Variants in ACTR2 observed in about 807,000 individuals in gnomAD.
The protein encoded by ACTR2 is actin related protein 2, also known as actin-related protein 2.
Under a neutral mutation model 50.2 loss-of-function variants are expected in ACTR2, and 5 were observed. The observed-to-expected ratio is 0.10, with a 90% CI of 0.05 to 0.21. The LOEUF (loss-of-function observed/expected upper bound fraction) is 0.21. Among genes scored for constraint, ACTR2 ranks in the 10% least tolerant of loss-of-function variants. ACTR2 has a pLI of 1.00. For synonymous variants in ACTR2, 140 were observed against 162.9 expected (o/e 0.86, Z 1.07); for missense variants, 180 against 480.6 (o/e 0.37, Z 5.85).
chr2:65,251,926 CTCT>C (rs1472631570), intron 4 of ACTR2, among the ~76,000 whole-genome samples: 2 of 151,308 alleles, frequency 1.3e-5, no homozygotes, highest in Admixed American at 1.3e-4. Context: ...GTTGGGAGAG[CTCT>C]TTTTTTTTTT....
At position 65,268,666 on chromosome 2, in the gene ACTR2, A is replaced by G. The variant is rs764765098; in HGVS notation, c.1117A>G (p.Met373Val). The G allele has an allele frequency of 3.7e-6, 6 of 1,614,076 alleles. No homozygotes were observed. The highest frequency in any genetic ancestry group is 5.1e-6 in the Non-Finnish European group (6 of 1,179,958). ...DIMKDKDNFWMTRQEYQEKGV... is the reference protein window; with the variant it reads ...DIMKDKDNFWVTRQEYQEKGV... Reference sequence around the variant, plus strand: ...CATGAAAGACAAAGACAACTTTTGGATGACCCGACAAGAGTACCAAGAAAA... The same window carrying G: ...CATGAAAGACAAAGACAACTTTTGGGTGACCCGACAAGAGTACCAAGAAAA... Residue 373 changes from methionine to valine, a missense_variant, in exon 9 of 9, where the codon ATG becomes GTG. Transcript: ENST00000260641.
chr2:65,255,711 T>A lies in ACTR2; in HGVS notation c.735+17T>A. On this transcript the variant is annotated intron_variant, in intron 6 of 8. Transcript: ENST00000260641. Reference sequence around the variant, plus strand: ...TCTTATACAGTAAGTGTTTCCAGTGTATAATATATATGTGTTTTAAAGTGG... The same window carrying A: ...TCTTATACAGTAAGTGTTTCCAGTGAATAATATATATGTGTTTTAAAGTGG... 2 of 1,606,072 alleles carry A rather than the reference T, an allele frequency of 1.2e-6. No individual in the cohort carries two copies. Among genetic ancestry groups the A allele is most frequent in the Non-Finnish European group, 1.7e-6 (2 of 1,174,636 alleles).
intron 1 of ACTR2, among the ~76,000 whole-genome samples, chr2:65,230,581 T>G (rs1435822468): frequency 6.6e-6 from 1 of 151,828 alleles, no homozygotes. Context: ...CCAGTTAATT[T>G]TTTTATTTTT....
chr2:65,236,431 C>G (rs1671740225), intron 1 of ACTR2, among the ~76,000 whole-genome samples: 4 of 151,992 alleles, frequency 2.6e-5, no homozygotes, highest in Admixed American at 1.3e-4. Context: ...TCCAACAGGG[C>G]TGCTGTAGAG....
At chr2:65,243,908 A>G (rs1573154449) in intron 2 of ACTR2, among the ~76,000 whole-genome samples, 1 of 152,286 alleles carries the variant, frequency 6.6e-6, no homozygotes, top group African/African-American at 2.4e-5. Context: ...ATCACTTATA[A>G]CTTGGTTCTG....
rs191325456 is a variant in ACTR2 at position 65,244,665 on chromosome 2, C to T, written c.160-1859C>T. On this transcript the variant is annotated intron_variant, in intron 2 of 8. Coordinates refer to ENST00000260641, the MANE Select transcript of ACTR2 (RefSeq NM_005722.4). ...CATATTCCTCATAGAAGAATCTAAA[C>T]GGTTGGGTGTGGTGATTCATGCCTA... is the stretch of plus-strand genomic sequence containing the variant. Among the ~76,000 whole-genome samples, 24 of 152,110 alleles carry T rather than the reference C, an allele frequency of 1.6e-4. No individual in the cohort carries two copies. The East Asian group carries it at 2.3e-3, about 15-fold the overall frequency.
intron 3 of ACTR2, among the ~76,000 whole-genome samples, chr2:65,248,145 A>T (rs1671974046): frequency 6.6e-6 from 1 of 152,224 alleles, no homozygotes; most frequent in African/African-American, 2.4e-5. Flanking sequence ...TCAGGCCTGT[A>T]ATCCCAGCAC....
chr2:65,257,714 AT>A (rs1429366211), intron 6 of ACTR2, among the ~76,000 whole-genome samples: 1 of 151,822 alleles, frequency 6.6e-6, no homozygotes, highest in East Asian at 1.9e-4. Flanking sequence ...TTTTTTTCTT[AT>A]GTTTATTGGC....
intron 7 of ACTR2, among the ~76,000 whole-genome samples, chr2:65,264,488 T>A (rs1240678596): frequency 6.6e-6 from 1 of 152,116 alleles, no homozygotes; most frequent in Non-Finnish European, 1.5e-5. Context: ...GATTTTCTGA[T>A]CTCATAGATA....
chr2:65,264,357 G>A (rs571861607), intron 7 of ACTR2, among the ~76,000 whole-genome samples: 12 of 152,318 alleles, frequency 7.9e-5, no homozygotes, highest in African/African-American at 2.9e-4. Flanking sequence ...GAACCTGGAA[G>A]CCAGGTTGAA....
At chr2:65,258,976 T>C (rs1288379713) in intron 6 of ACTR2, among the ~76,000 whole-genome samples, 3 of 151,970 alleles carry the variant, frequency 2.0e-5, no homozygotes, top group African/African-American at 7.3e-5. Context: ...CTTTTTTTTT[T>C]CTTTCTGTTT....
chr2:65,242,343 A>C (rs893347692), intron 2 of ACTR2, among the ~76,000 whole-genome samples: 1 of 152,168 alleles, frequency 6.6e-6, no homozygotes, highest in Non-Finnish European at 1.5e-5. Flanking sequence ...TTATAATTAA[A>C]ATGGAATGTG....
intron 5 of ACTR2, among the ~76,000 whole-genome samples, chr2:65,254,185 T>C (rs1219989734): frequency 6.6e-6 from 1 of 152,170 alleles, no homozygotes; most frequent in Admixed American, 6.5e-5. Flanking sequence ...GACCCCTAAT[T>C]TGAAACTTTC....
chr2:65,251,603 C>T (rs940969163), intron 4 of ACTR2, among the ~76,000 whole-genome samples: 6 of 151,994 alleles, frequency 3.9e-5, no homozygotes, highest in South Asian at 2.1e-4. Flanking sequence ...TCAGGTAGTC[C>T]GCCCGCCTCA....
At position 65,268,764 on chromosome 2, in the gene ACTR2, A is replaced by G; in HGVS notation, c.*30A>G. 1.9e-6 allele frequency: 3 copies of G among 1,597,058 alleles called. No individual in the cohort carries two copies. ...CAAAGCTTGTTCCCGTCATACCCGT[A>G]ATGCTTTCTTTTTTCCTTTATTGCC... On this transcript the variant is annotated 3_prime_UTR_variant, in exon 9 of 9. Coordinates refer to ENST00000260641, the MANE Select transcript of ACTR2 (RefSeq NM_005722.4).
In ACTR2 at chr2:65,255,533, G is replaced by C. The variant is rs757913568; in HGVS notation, c.586-12G>C. 19 of 1,610,248 alleles carry C rather than the reference G, an allele frequency of 1.2e-5. No individual in the cohort carries two copies. The highest frequency in any genetic ancestry group is 1.3e-5 in the Non-Finnish European group (15 of 1,177,856). ...GATGTATTATGAACTTATTGCTATTGTTTTGTACCAGCTACTTCTGTTGCG... is the reference window on the plus strand; with the variant it reads ...GATGTATTATGAACTTATTGCTATTCTTTTGTACCAGCTACTTCTGTTGCG... On this transcript the variant is annotated splice_polypyrimidine_tract_variant and intron_variant, in intron 5 of 8. Transcript: ENST00000260641.
intron 4 of ACTR2, among the ~76,000 whole-genome samples, chr2:65,253,248 T>A (rs2104006515): frequency 6.6e-6 from 1 of 152,234 alleles, no homozygotes; most frequent in South Asian, 2.1e-4. Flanking sequence ...GAGACCAGCT[T>A]GGGCAACATG....
At chr2:65,234,893 G>A (rs7590409) in intron 1 of ACTR2, among the ~76,000 whole-genome samples, 13 of 151,910 alleles carry the variant, frequency 8.6e-5, no homozygotes, top group East Asian at 3.9e-4. Flanking sequence ...ATTTTCATCC[G>A]GATAAATGGA....
chr2:65,248,306 A>G (rs1671978053), intron 3 of ACTR2, among the ~76,000 whole-genome samples: 1 of 152,122 alleles, frequency 6.6e-6, no homozygotes, highest in Admixed American at 6.5e-5. Flanking sequence ...AGGCTGGGGC[A>G]GGAGAATCGC....
Sources: allele counts gnomAD v4.1 joint callset (sites outside exome capture counted in the v4.1 genomes callset), GRCh38; gene constraint gnomAD v4.1.1; transcripts MANE v1.5; gene names NCBI Gene and HGNC (gene_info 2026-07-23, HGNC 2026-07-21).